Variants in DNAH14 observed in about 807,000 individuals in gnomAD.
The protein encoded by DNAH14 is dynein axonemal heavy chain 14, also known as axonemal beta dynein heavy chain 14.
In DNAH14, 478 loss-of-function variants were observed where a neutral mutation model predicts 520.9. The ratio of observed to expected loss-of-function variants is 0.92; its 90% CI spans 0.85 to 0.99. The LOEUF is 0.99. Among genes scored for constraint, DNAH14 ranks in the 50% least tolerant of loss-of-function variants. DNAH14 has a pLI of 0.00. For synonymous variants in DNAH14, 1,581 were observed against 1,757.2 expected, an observed-to-expected ratio of 0.90 and a Z score of 2.51; for missense variants, 4,831 against 5,234.5, an observed-to-expected ratio of 0.92 and a Z score of 2.38.
At chr1:225,048,382 A>G (rs2148281206) in intron 15 of DNAH14, among the ~76,000 whole-genome samples, 1 of 152,234 alleles carries the variant, frequency 6.6e-6, no homozygotes, top group African/African-American at 2.4e-5. Flanking sequence ...CGCACCTGTA[A>G]TCCCAGCTAC....
intron 23 of DNAH14, 41 bp from the exon 24 acceptor site, chr1:225,117,643 A>C: frequency 8.4e-7 from 1 of 1,194,134 alleles, no homozygotes; most frequent in Non-Finnish European, 1.2e-6. Context: ...TATCATAATT[A>C]AGCATATATT....
intron 66 of DNAH14, among the ~76,000 whole-genome samples, chr1:225,335,974 CATATGTGTAT>C (rs1207441784): frequency 7.0e-6 from 1 of 143,750 alleles, no homozygotes; most frequent in African/African-American, 2.6e-5. Flanking sequence ...CATATATGTA[CATATGTGTAT>C]ATACACACAT....
chr1:225,177,492 G>A (rs1025316974), intron 36 of DNAH14, among the ~76,000 whole-genome samples: 2 of 152,304 alleles, frequency 1.3e-5, no homozygotes, highest in Admixed American at 1.3e-4. Flanking sequence ...TGTCTCCAGG[G>A]CATGTCAGAG....
intron 17 of DNAH14, among the ~76,000 whole-genome samples, chr1:225,056,289 A>T (rs1256862756): frequency 6.6e-6 from 1 of 152,208 alleles, no homozygotes; most frequent in Non-Finnish European, 1.5e-5. Context: ...AAGGCCAGTG[A>T]TGATGAGCAT....
In DNAH14 at chr1:225,270,875, T is replaced by C. The variant is rs2093295883; in HGVS notation, c.7671+9T>C. 6.5e-7 allele frequency: 1 copy of C among 1,547,452 alleles called. No individual in the cohort carries two copies. Among genetic ancestry groups the C allele is most frequent in the Non-Finnish European group, 8.7e-7 (1 of 1,144,868 alleles). ...TATGTACTATTTTCCAGGTAACACA[T>C]CTAGTTCATTTTCTACTGAAAAAAA... On this transcript the variant is annotated intron_variant, in intron 50 of 85. Coordinates refer to ENST00000682510, the MANE Select transcript of DNAH14 (RefSeq NM_001367479.1).
At chr1:225,033,128 T>C (rs1450290714) in intron 11 of DNAH14, among the ~76,000 whole-genome samples, 2 of 152,118 alleles carry the variant, frequency 1.3e-5, no homozygotes, top group Non-Finnish European at 2.9e-5. Flanking sequence ...TGGCTTTTTG[T>C]GTCTTCATCA....
intron 17 of DNAH14, among the ~76,000 whole-genome samples, chr1:225,055,037 G>A (rs1224976164): frequency 6.6e-6 from 1 of 150,966 alleles, no homozygotes; most frequent in Admixed American, 6.6e-5. Flanking sequence ...TTGATCTTAA[G>A]TGACCTCCCT....
chr1:225,397,642 G>A (rs2096034115), intron 84 of DNAH14: 1 of 152,326 alleles, frequency 6.6e-6, no homozygotes, highest in Admixed American at 6.5e-5. Context: ...CCTGGAATTG[G>A]AGCTGCAGGC....
intron 25 of DNAH14, 181 bp downstream of exon 25, chr1:225,118,180 C>T: frequency 1.6e-6 from 1 of 635,142 alleles, no homozygotes; most frequent in Non-Finnish European, 2.8e-6. Context: ...CTCACCTTTG[C>T]TCTAATTAAA....
rs1473110362 is a variant in DNAH14 at position 225,273,118 on chromosome 1, G to T, written c.8003G>T (p.Cys2668Phe). Reference sequence around the variant, plus strand: ...TTGCTTTCAAGGGAACTTGAGAACTGTTTTCAGGTAAATTTATATTTTAAA... The same window carrying T: ...TTGCTTTCAAGGGAACTTGAGAACTTTTTTCAGGTAAATTTATATTTTAAA... ...YRLLSRELEN[C>F]FQIQWTQENL... Residue 2668 changes from cysteine (C) to phenylalanine (F), a missense_variant, in exon 52 of 86, where the codon TGT becomes TTT. Physicochemically the swap from Cys to Phe is radical, Grantham distance 205. Transcript: ENST00000682510. 1.4e-5 allele frequency: 22 copies of T among 1,547,508 alleles called. No homozygotes were observed. The East Asian group carries it at 5.4e-4, about 38-fold the overall frequency.
At chr1:225,348,830 G>GTACTATCACTACAAAAT (rs1230755038) in intron 71 of DNAH14, among the ~76,000 whole-genome samples, 1 of 152,172 alleles carries the variant, frequency 6.6e-6, no homozygotes, top group Non-Finnish European at 1.5e-5. Context: ...ATAGTAACCT[G>GTACTATCACTACAAAAT]TACTATTGTA....
chr1:225,256,677 T>C (rs192135062), intron 44 of DNAH14, among the ~76,000 whole-genome samples: 6 of 152,236 alleles, frequency 3.9e-5, no homozygotes, highest in African/African-American at 1.2e-4. Flanking sequence ...TACCACATTA[T>C]AGGTGTGGTG....
intron 28 of DNAH14, among the ~76,000 whole-genome samples, chr1:225,142,971 AT>A (rs996029371): frequency 8.6e-5 from 13 of 151,794 alleles, no homozygotes; most frequent in African/African-American, 2.2e-4. Context: ...AATGAAATAA[AT>A]TTTTTTTTCT....
At chr1:225,250,634 C>T (rs1205306006) in intron 43 of DNAH14, 2 of 521,378 alleles carry the variant, frequency 3.8e-6, no homozygotes, top group Middle Eastern at 2.8e-4. Flanking sequence ...AGAGAAAGAA[C>T]ATGACACATT....
At chr1:225,179,106 G>T (rs2083672973) in intron 36 of DNAH14, among the ~76,000 whole-genome samples, 1 of 152,120 alleles carries the variant, frequency 6.6e-6, no homozygotes, top group Non-Finnish European at 1.5e-5. Flanking sequence ...TCTTGGATAT[G>T]TCCTTATTAG....
chr1:225,393,814 G>GTTTTTTTTTTTTTTTTTTTTTTT (rs1354333069), intron 84 of DNAH14, among the ~76,000 whole-genome samples: 1 of 143,120 alleles, frequency 7.0e-6, no homozygotes, highest in Non-Finnish European at 1.5e-5. Context: ...ATCTTTTTTT[G>GTTTTTTTTTTTTTTTTTTTTTTT]TTTTTTTTTT....
intron 21 of DNAH14, among the ~76,000 whole-genome samples, chr1:225,089,252 T>C (rs2074107126): frequency 6.6e-6 from 1 of 151,986 alleles, no homozygotes; most frequent in East Asian, 1.9e-4. Context: ...GAGACCAACC[T>C]GGCCAACATG....
At position 225,097,212 on chromosome 1, in the gene DNAH14, C is replaced by T; in HGVS notation, c.3668C>T (p.Pro1223Leu). 6.4e-7 allele frequency: 1 copy of T among 1,550,442 alleles called. No homozygotes were observed. The highest frequency in any genetic ancestry group is 8.7e-7 in the Non-Finnish European group (1 of 1,146,388). The change falls in exon 22 of 86, where the codon CCA (proline) becomes CTA (leucine). Residue 1223 changes from proline to leucine, a missense_variant. Transcript: ENST00000682510. Reference protein sequence around the residue: ...NCQRNWLYLEPVFHSSEIRRQ... With the variant: ...NCQRNWLYLELVFHSSEIRRQ... ...CAAAGAAATTGGCTTTATCTTGAAC[C>T]AGTCTTTCATTCTTCAGAAATACGA...
At chr1:224,990,077 A>G (rs1000114463) in intron 8 of DNAH14, among the ~76,000 whole-genome samples, 2 of 152,004 alleles carry the variant, frequency 1.3e-5, no homozygotes, top group South Asian at 4.1e-4. Context: ...AAAATGAACT[A>G]GGAAGTATTT....
Sources: allele counts gnomAD v4.1 joint callset (sites outside exome capture counted in the v4.1 genomes callset), GRCh38; gene constraint gnomAD v4.1.1; transcripts MANE v1.5; gene names NCBI Gene and HGNC (gene_info 2026-07-23, HGNC 2026-07-21).